The following GPC6 variants were observed in gnomAD, a reference collection of about 807,000 sequenced individuals.
GPC6 encodes glypican-6.
Under a neutral mutation model 55.2 loss-of-function variants are expected in GPC6, and 14 were observed. The ratio of observed to expected loss-of-function variants is 0.25; its 90% CI spans 0.17 to 0.40. The LOEUF is 0.40. GPC6 is among the 10% of genes least tolerant of loss of function. The pLI is 1.00. For missense variants in GPC6, 641 were observed against 708.5 expected (o/e 0.90, Z 1.08); for synonymous variants, 278 against 259.6 (o/e 1.07, Z -0.68).
intron 1 of GPC6, among the ~76,000 whole-genome samples, chr13:93,512,530 C>G (rs1298637236): frequency 6.6e-6 from 1 of 151,934 alleles, no homozygotes; most frequent in Non-Finnish European, 1.5e-5. Flanking sequence ...CATGGTGTAT[C>G]ATCTTCTTGA....
intron 3 of GPC6, among the ~76,000 whole-genome samples, chr13:93,889,267 T>C (rs558768757): frequency 6.6e-6 from 1 of 152,252 alleles, no homozygotes; most frequent in South Asian, 2.1e-4. Flanking sequence ...CAGTTGCTGC[T>C]ATCTATAATC....
chr13:93,915,854 A>G (rs2140340344), intron 3 of GPC6, among the ~76,000 whole-genome samples: 1 of 152,258 alleles, frequency 6.6e-6, no homozygotes, highest in East Asian at 1.9e-4. Context: ...ATTTGAATGG[A>G]AGACCTCACT....
chr13:93,590,156 A>G (rs776528490), intron 2 of GPC6, among the ~76,000 whole-genome samples: 9 of 152,200 alleles, frequency 5.9e-5, no homozygotes, highest in Non-Finnish European at 1.3e-4. Flanking sequence ...TAGATTTGCA[A>G]TTATGCTAGA....
At chr13:94,030,094 C>A (rs1276224868) in intron 4 of GPC6, among the ~76,000 whole-genome samples, 1 of 151,866 alleles carries the variant, frequency 6.6e-6, no homozygotes, top group Admixed American at 6.6e-5. Context: ...GCTCCGCCTC[C>A]CGGGTTCATG....
At chr13:93,520,570 AAG>A (rs2052568744) in intron 1 of GPC6, among the ~76,000 whole-genome samples, 1 of 151,960 alleles carries the variant, frequency 6.6e-6, no homozygotes, top group Non-Finnish European at 1.5e-5. Context: ...GAAGATTTTT[AAG>A]AGTGTTGGAA....
At chr13:93,788,062 ACTAT>A (rs745354545) in intron 2 of GPC6, among the ~76,000 whole-genome samples, 6 of 152,190 alleles carry the variant, frequency 3.9e-5, no homozygotes, top group Admixed American at 1.3e-4. Context: ...GTATATCACA[ACTAT>A]CTAAGTTTGT....
At chr13:93,789,505 CTCTCTATATA>C (rs1240959761) in intron 2 of GPC6, among the ~76,000 whole-genome samples, 22 of 80,268 alleles carry the variant, frequency 2.7e-4, no homozygotes, top group African/African-American at 8.0e-4. Context: ...CTCTCTCTCT[CTCTCTATATA>C]TATATATATA....
intron 1 of GPC6, among the ~76,000 whole-genome samples, chr13:93,474,796 A>T (rs1879246073): frequency 6.6e-6 from 1 of 152,030 alleles, no homozygotes; most frequent in African/African-American, 2.4e-5. Context: ...CTCCCATCTT[A>T]CCTGGGGTCG....
chr13:93,846,155 A>C (rs959128225), intron 3 of GPC6, among the ~76,000 whole-genome samples: 1 of 152,262 alleles, frequency 6.6e-6, no homozygotes. Flanking sequence ...CAAAATGTAT[A>C]GCAAGCACAG....
intron 2 of GPC6, among the ~76,000 whole-genome samples, chr13:93,768,076 G>A (rs1424827816): frequency 6.6e-6 from 1 of 152,088 alleles, no homozygotes. Context: ...TTTGATCTAG[G>A]TGGAATTTTA....
chr13:93,442,500 C>T (rs1877843297), intron 1 of GPC6, among the ~76,000 whole-genome samples: 1 of 152,138 alleles, frequency 6.6e-6, no homozygotes, highest in Admixed American at 6.5e-5. Context: ...ATCCTTCTAC[C>T]ACCTCCCATC....
At chr13:93,273,662 A>C (rs980417406) in intron 1 of GPC6, among the ~76,000 whole-genome samples, 2 of 152,108 alleles carry the variant, frequency 1.3e-5, no homozygotes, top group Non-Finnish European at 2.9e-5. Context: ...CGTCTCAAAA[A>C]ACAAACAAAC....
At chr13:94,069,533 A>G (rs1042062356) in intron 4 of GPC6, among the ~76,000 whole-genome samples, 25 of 152,140 alleles carry the variant, frequency 1.6e-4, no homozygotes, top group African/African-American at 6.0e-4. Context: ...CTTTTTTAGC[A>G]CATTGTCAGA....
In GPC6 at chr13:94,403,109, G is replaced by C; in HGVS notation, c.1560G>C (p.Val520=). 1 of 1,613,888 alleles carries C rather than the reference G, an allele frequency of 6.2e-7. No homozygotes were observed. Among genetic ancestry groups the C allele is most frequent in the Non-Finnish European group, 8.5e-7 (1 of 1,179,728 alleles). ...TTGTCACCACAGAGGCCCCCGCAGT[G>C]GATCCCGACCGGAGAGAGGTGGACT... ...FEFVTTEAPA[V]DPDRREVDSS... The change falls in exon 9 of 9, where the codon GTG becomes GTC. Residue 520 remains valine, a synonymous_variant. Coordinates refer to ENST00000377047, the MANE Select transcript of GPC6 (RefSeq NM_005708.5).
chr13:93,528,292 G>A (rs1284422846), intron 1 of GPC6, among the ~76,000 whole-genome samples: 1 of 152,150 alleles, frequency 6.6e-6, no homozygotes, highest in Admixed American at 6.6e-5. Flanking sequence ...TAGTAAAGTG[G>A]CTAACTTTGA....
chr13:93,562,569 A>G (rs1875869855), intron 2 of GPC6, among the ~76,000 whole-genome samples: 1 of 152,170 alleles, frequency 6.6e-6, no homozygotes, highest in South Asian at 2.1e-4. Context: ...ACTTATTATC[A>G]TCTTTGACAC....
chr13:93,502,493 G>T (rs927869127), intron 1 of GPC6, among the ~76,000 whole-genome samples: 1 of 152,076 alleles, frequency 6.6e-6, no homozygotes, highest in Non-Finnish European at 1.5e-5. Flanking sequence ...TTGAATGTTG[G>T]TTGATGTTTT....
At chr13:93,858,225 C>A (rs1283820504) in intron 3 of GPC6, among the ~76,000 whole-genome samples, 3 of 151,462 alleles carry the variant, frequency 2.0e-5, no homozygotes, top group Non-Finnish European at 4.4e-5. Context: ...TTGAGGTGGT[C>A]AAATTAATCC....
intron 1 of GPC6, among the ~76,000 whole-genome samples, chr13:93,451,901 T>G (rs1166130067): frequency 6.6e-6 from 1 of 152,144 alleles, no homozygotes; most frequent in Non-Finnish European, 1.5e-5. Flanking sequence ...ACCAGAGCAG[T>G]GTATTTCAGA....
Sources: gnomAD v4.1 joint callset for allele counts (sites outside exome capture counted in the v4.1 genomes callset) on GRCh38, gnomAD v4.1.1 for gene constraint, MANE v1.5 for transcripts, NCBI Gene and HGNC (gene_info 2026-07-23, HGNC 2026-07-21) for gene names.